DLG2: variants seen among roughly 807,000 people sequenced by gnomAD.
DLG2 encodes the protein disks large homolog 2.
Under a neutral mutation model 132.5 loss-of-function variants are expected in DLG2, and 45 were observed. The ratio of observed to expected loss-of-function variants is 0.34; its 90% CI spans 0.27 to 0.44. The LOEUF (loss-of-function observed/expected upper bound fraction) is 0.44. DLG2 is among the 20% of genes least tolerant of loss of function. The probability of loss-of-function intolerance (pLI) is 1.00; values close to 1 mark genes in which losing one functional copy is unlikely to be tolerated. For missense variants in DLG2, 1,045 were observed against 1,196.9 expected (o/e 0.87, Z 1.87); for synonymous variants, 424 against 419.6 (o/e 1.01, Z -0.13).
At chr11:83,613,903 G>A (rs865957872) in intron 19 of DLG2, among the ~76,000 whole-genome samples, 1 of 152,202 alleles carries the variant, frequency 6.6e-6, no homozygotes, top group South Asian at 2.1e-4. Flanking sequence ...TTTAGAGTAG[G>A]TCTGGGCTGG....
At chr11:83,984,574 A>T (rs1386158211) in intron 11 of DLG2, among the ~76,000 whole-genome samples, 1 of 152,122 alleles carries the variant, frequency 6.6e-6, no homozygotes, top group African/African-American at 2.4e-5. Context: ...ATCCTCATTC[A>T]TTTATTCATT....
chr11:85,189,930 G>A (rs1346829127), intron 4 of DLG2, among the ~76,000 whole-genome samples: 1 of 152,054 alleles, frequency 6.6e-6, no homozygotes, highest in South Asian at 2.1e-4. Flanking sequence ...TGAGTAGCTA[G>A]GACTACAGAT....
intron 3 of DLG2, among the ~76,000 whole-genome samples, chr11:85,305,187 C>T (rs1596091492): frequency 6.6e-6 from 1 of 152,330 alleles, no homozygotes; most frequent in East Asian, 1.9e-4. Flanking sequence ...TACATCACTG[C>T]TTCTCAAACT....
intron 6 of DLG2, among the ~76,000 whole-genome samples, chr11:84,770,544 T>A (rs912141946): frequency 6.6e-6 from 1 of 152,142 alleles, no homozygotes; most frequent in Admixed American, 6.5e-5. Context: ...CACTTTTAAG[T>A]GAGAGCATGC....
At chr11:84,796,138 G>T (rs1457271218) in intron 6 of DLG2, among the ~76,000 whole-genome samples, 1 of 152,208 alleles carries the variant, frequency 6.6e-6, no homozygotes, top group South Asian at 2.1e-4. Context: ...CAAGTATCTC[G>T]TGACAGATGG....
chr11:84,805,896 T>C (rs540851308), intron 6 of DLG2, among the ~76,000 whole-genome samples: 1 of 152,290 alleles, frequency 6.6e-6, no homozygotes, highest in East Asian at 1.9e-4. Context: ...GTTAATGTCA[T>C]AAAAATGCTT....
chr11:84,502,251 C>T lies in DLG2; in HGVS notation c.519+32319G>A, dbSNP rs1342911292. Among the ~76,000 whole-genome samples the T allele has an allele frequency of 2.2e-4, 8 of 35,576 alleles. No homozygotes were observed. The African/African-American group carries it at 2.5e-3, about 11-fold the overall frequency. 23.3% of individuals were successfully genotyped at this position (35,576 alleles called of 152,430 possible). A position where few individuals can be genotyped will look rare whatever the true frequency, so the allele number is the denominator to read the frequency against. On this transcript the variant is annotated intron_variant, in intron 7 of 27. Transcript: ENST00000376104. ...CCTTCCTTCCTTCCTTCCTTCCTTC[C>T]TTCCTTCCTTCCTTCCTTCCTTCCT...
chr11:84,337,657 G>C (rs531890998), intron 7 of DLG2, among the ~76,000 whole-genome samples: 1 of 152,026 alleles, frequency 6.6e-6, no homozygotes, highest in Non-Finnish European at 1.5e-5. Context: ...TGGTACCTCT[G>C]ACTAGGTCTC....
At chr11:84,009,504 G>A (rs2094765345) in intron 11 of DLG2, among the ~76,000 whole-genome samples, 1 of 151,884 alleles carries the variant, frequency 6.6e-6, no homozygotes, top group South Asian at 2.1e-4. Flanking sequence ...TAACTTGAAG[G>A]GTGAATTTAG....
intron 7 of DLG2, among the ~76,000 whole-genome samples, chr11:84,502,223 C>CTTCCTTCCTTCCTTCCTTCCT (rs1567803761): frequency 1.1e-4 from 1 of 9,118 alleles, no homozygotes; most frequent in African/African-American, 2.4e-3. Flanking sequence ...TCCTTCCTTC[C>CTTCCTTCCTTCCTTCCTTCCT]TTCCTTCCTT....
At chr11:83,823,928 A>C (rs748553797) in intron 17 of DLG2, among the ~76,000 whole-genome samples, 4 of 152,142 alleles carry the variant, frequency 2.6e-5, no homozygotes, top group Non-Finnish European at 2.9e-5. Flanking sequence ...CCTCAGACAT[A>C]AGTAAACTGC....
In DLG2 at chr11:84,207,081, C is replaced by CTCTCTCTATATATA. The variant is rs148707321; in HGVS notation, c.574-43571_574-43570insTATATATAGAGAGA. Among the ~76,000 whole-genome samples the CTCTCTCTATATATA allele has an allele frequency of 1.2e-4, 17 of 147,000 alleles. No individual in the cohort carries two copies. The South Asian group carries it at 2.2e-3, about 19-fold the overall frequency. ...TAAATCTCTCTCTCTCTCTCTCTCT[C>CTCTCTCTATATATA]TATATATATATATGTATGTATATAT... On this transcript the variant is annotated intron_variant, in intron 8 of 27. Coordinates refer to ENST00000376104, the MANE Select transcript of DLG2 (RefSeq NM_001142699.3).
intron 18 of DLG2, among the ~76,000 whole-genome samples, chr11:83,664,112 C>A (rs781402567): frequency 1.2e-4 from 19 of 152,132 alleles, no homozygotes; most frequent in African/African-American, 4.3e-4. Context: ...CAGAAAGCAT[C>A]TAGTTCTCCT....
At chr11:83,774,330 T>C (rs911241948) in intron 18 of DLG2, among the ~76,000 whole-genome samples, 3 of 152,214 alleles carry the variant, frequency 2.0e-5, no homozygotes, top group Non-Finnish European at 4.4e-5. Context: ...ATAATTATGA[T>C]AATAACGATA....
intron 3 of DLG2, among the ~76,000 whole-genome samples, chr11:85,578,312 A>G (rs1565709766): frequency 6.6e-6 from 1 of 152,202 alleles, no homozygotes; most frequent in Non-Finnish European, 1.5e-5. Flanking sequence ...AGGCAATGCC[A>G]TTCTGGACAT....
At chr11:84,036,623 C>A (rs1046110689) in intron 11 of DLG2, among the ~76,000 whole-genome samples, 3 of 151,960 alleles carry the variant, frequency 2.0e-5, no homozygotes, top group Non-Finnish European at 4.4e-5. Context: ...TTGATGAAAG[C>A]CCAGATAATT....
intron 6 of DLG2, among the ~76,000 whole-genome samples, chr11:85,028,470 T>C (rs988793690): frequency 6.6e-6 from 1 of 152,082 alleles, no homozygotes; most frequent in Non-Finnish European, 1.5e-5. Flanking sequence ...CCTGCCACCA[T>C]TGATCATGTC....
chr11:84,579,483 T>C (rs2099511362), intron 6 of DLG2, among the ~76,000 whole-genome samples: 1 of 152,096 alleles, frequency 6.6e-6, no homozygotes, highest in South Asian at 2.1e-4. Context: ...TAATTAATCA[T>C]GCAGTGAAAA....
chr11:83,750,847 A>G (rs2093258966), intron 18 of DLG2, among the ~76,000 whole-genome samples: 1 of 152,200 alleles, frequency 6.6e-6, no homozygotes, highest in South Asian at 2.1e-4. Context: ...CCTAACTTAC[A>G]GTCCAGATAT....
Sources: allele counts gnomAD v4.1 joint callset (sites outside exome capture counted in the v4.1 genomes callset), GRCh38; gene constraint gnomAD v4.1.1; transcripts MANE v1.5; gene names NCBI Gene and HGNC (gene_info 2026-07-23, HGNC 2026-07-21).